DIAPH2: variants seen among roughly 807,000 people sequenced by gnomAD.
DIAPH2 encodes protein diaphanous homolog 2.
A neutral mutation model predicts 92.7 loss-of-function variants in DIAPH2; 35 were observed. The observed-to-expected ratio is 0.38, with a 90% confidence interval of 0.29 to 0.50. DIAPH2 has a LOEUF of 0.50. Among genes scored for constraint, DIAPH2 ranks in the 20% least tolerant of loss-of-function variants. The pLI, the probability that DIAPH2 is intolerant of heterozygous loss-of-function variation, is 0.94. For missense variants in DIAPH2, 701 were observed against 819.5 expected (o/e 0.86, Z 1.77); for synonymous variants, 301 against 280.4 (o/e 1.07, Z -0.73).
chrX:96,714,140 T>C (rs1251753572), intron 1 of DIAPH2, among the ~76,000 whole-genome samples: 2 of 111,429 alleles, frequency 1.8e-5, no homozygotes. Flanking sequence ...GACTATACTC[T>C]TCCTTAGGAC....
chrX:96,790,974 C>T (rs770585242), intron 4 of DIAPH2, among the ~76,000 whole-genome samples: 87 of 111,502 alleles, frequency 7.8e-4, no homozygotes, highest in South Asian at 4.2e-3. Flanking sequence ...AAGTTTTCAT[C>T]GGGAATGGTT....
chrX:96,860,919 T>C (rs1256401000), intron 4 of DIAPH2, among the ~76,000 whole-genome samples: 1 of 112,032 alleles, frequency 8.9e-6, no homozygotes, highest in Admixed American at 9.5e-5. Flanking sequence ...GGTGGGATTT[T>C]TAATGACTTA....
chrX:96,751,684 C>T (rs1215419510), intron 3 of DIAPH2, among the ~76,000 whole-genome samples: 7 of 48,891 alleles, frequency 1.4e-4, no homozygotes, highest in Admixed American at 1.2e-3. Flanking sequence ...GACGAAGTCT[C>T]GCTCTGTCGC....
intron 22 of DIAPH2, among the ~76,000 whole-genome samples, chrX:97,148,585 G>A (rs1232255088): frequency 1.8e-5 from 2 of 110,606 alleles, no homozygotes; most frequent in African/African-American, 6.6e-5. Flanking sequence ...CACCTCAGTC[G>A]GAGGGGCTCA....
intron 4 of DIAPH2, among the ~76,000 whole-genome samples, chrX:96,848,101 G>A (rs183942890): frequency 5.5e-5 from 6 of 110,065 alleles, no homozygotes; most frequent in Non-Finnish European, 1.1e-4. Flanking sequence ...GTGCAATGGC[G>A]CAATCATAGC....
chrX:96,965,553 G>C (rs1221591846), intron 17 of DIAPH2, among the ~76,000 whole-genome samples: 1 of 111,387 alleles, frequency 9.0e-6, no homozygotes, highest in Non-Finnish European at 1.9e-5. Flanking sequence ...AATAATGTAA[G>C]AGAACACTAA....
chrX:97,063,389 A>G (rs2066613587), intron 17 of DIAPH2, among the ~76,000 whole-genome samples: 1 of 112,249 alleles, frequency 8.9e-6, no homozygotes, highest in African/African-American at 3.2e-5. Flanking sequence ...ATTATAAACC[A>G]GTATGTCCCA....
At chrX:96,758,947 T>A (rs947113677) in intron 4 of DIAPH2, among the ~76,000 whole-genome samples, 2 of 103,081 alleles carry the variant, frequency 1.9e-5, no homozygotes, top group African/African-American at 7.1e-5. Flanking sequence ...TAAGCTTTGA[T>A]TTTTTTTTTT....
chrX:97,289,759 C>G (rs2068574514), intron 23 of DIAPH2, among the ~76,000 whole-genome samples: 1 of 107,389 alleles, frequency 9.3e-6, no homozygotes. Flanking sequence ...GGGTCTTGCT[C>G]TGTCGCCCAG....
chrX:97,282,163 C>T (rs763944917), intron 23 of DIAPH2, among the ~76,000 whole-genome samples: 66 of 111,822 alleles, frequency 5.9e-4, no homozygotes, highest in African/African-American at 2.1e-3. Context: ...TGAAGTCTCC[C>T]AGGCTTATAA....
At chrX:97,039,260 G>A (rs767443840) in intron 17 of DIAPH2, among the ~76,000 whole-genome samples, 3 of 111,247 alleles carry the variant, frequency 2.7e-5, no homozygotes, top group Non-Finnish European at 3.8e-5. Context: ...TGTTTTACAA[G>A]TATAGTATGT....
chrX:97,469,836 A>G, intron 26 of DIAPH2: 2 of 1,146,606 alleles, frequency 1.7e-6, no homozygotes, highest in Non-Finnish European at 2.3e-6. Flanking sequence ...TGGAAACATG[A>G]TATTCATTTT....
Position 97,190,293 on chromosome X carries a change from A to G in DIAPH2, c.2719+48499A>G, listed in dbSNP as rs1396856508. On this transcript the variant is annotated intron_variant, in intron 22 of 26. Coordinates refer to ENST00000324765, the MANE Select transcript of DIAPH2 (RefSeq NM_006729.5). The stretch of plus-strand genomic sequence containing the variant: ...GGCCATCACTAGGGTAGATGAACAG[A>G]TTTGTGATTCTAGGATATTACGCCA... 4.4e-5 allele frequency among the ~76,000 whole-genome samples: 5 copies of G among 112,631 alleles called. 1 individual carries two copies. The Admixed American group carries it at 4.7e-4, about 11-fold the overall frequency.
intron 4 of DIAPH2, among the ~76,000 whole-genome samples, chrX:96,818,180 C>T (rs5990665): frequency 1.1e-3 from 114 of 100,378 alleles, no homozygotes; most frequent in African/African-American, 4.1e-3. Context: ...GGGGTTTCAC[C>T]GTGTTGGCCG....
intron 4 of DIAPH2, among the ~76,000 whole-genome samples, chrX:96,779,820 A>G (rs1316259218): frequency 4.4e-5 from 5 of 112,420 alleles, no homozygotes; most frequent in African/African-American, 6.5e-5. Flanking sequence ...TTTTCAGCCT[A>G]TCTTCCTTGT....
intron 19 of DIAPH2, among the ~76,000 whole-genome samples, chrX:97,079,892 T>G (rs1042876255): frequency 2.7e-5 from 3 of 111,642 alleles, no homozygotes; most frequent in African/African-American, 6.5e-5. Context: ...TCCTTCGATA[T>G]GTCAGATTAT....
In DIAPH2 at chrX:97,075,247, G is replaced by A; in HGVS notation, c.2233G>A (p.Glu745Lys). ...GGAGGTTAATGAAGACATGCTGAGTGAGGCTTTAATTCAGGTAACTTGGAT... is the reference window on the plus strand; with the variant it reads ...GGAGGTTAATGAAGACATGCTGAGTAAGGCTTTAATTCAGGTAACTTGGAT... ...ILEVNEDMLS[E>K]ALIQNLVKHL... The change falls in exon 19 of 27, where the codon GAG (glutamate) becomes AAG (lysine). Residue 745 changes from glutamate to lysine, a missense_variant. Coordinates refer to ENST00000324765, the MANE Select transcript of DIAPH2 (RefSeq NM_006729.5). The A allele has an allele frequency of 8.5e-7, 1 of 1,174,687 alleles. No homozygotes were observed.
chrX:97,088,721 A>G (rs2066801481), intron 19 of DIAPH2, among the ~76,000 whole-genome samples: 1 of 112,123 alleles, frequency 8.9e-6, no homozygotes, highest in Non-Finnish European at 1.9e-5. Flanking sequence ...AATGTCCTTT[A>G]TTGAATAAAA....
At position 97,099,722 on chromosome X, in the gene DIAPH2, A is replaced by G; in HGVS notation, c.2276A>G (p.Lys759Arg). The change falls in exon 20 of 27, where the codon AAG becomes AGG. Residue 759 changes from lysine (K) to arginine (R), a missense_variant. Coordinates refer to ENST00000324765, the MANE Select transcript of DIAPH2 (RefSeq NM_006729.5). Reference sequence around the variant, plus strand: ...CTTGTGAAACATCTTCCTGAGCAGAAGATACTCAACGAATTAGCAGAGCTT... The same window carrying G: ...CTTGTGAAACATCTTCCTGAGCAGAGGATACTCAACGAATTAGCAGAGCTT... ...QNLVKHLPEQ[K>R]ILNELAELKN... 1.7e-6 allele frequency: 2 copies of G among 1,184,517 alleles called. No homozygotes were observed. The highest frequency in any genetic ancestry group is 2.3e-6 in the Non-Finnish European group (2 of 882,828).
Sources: allele counts gnomAD v4.1 joint callset (sites outside exome capture counted in the v4.1 genomes callset), GRCh38; gene constraint gnomAD v4.1.1; transcripts MANE v1.5; gene names NCBI Gene and HGNC (gene_info 2026-07-23, HGNC 2026-07-21).